The following CSMD1 variants were observed in gnomAD, a reference collection of about 807,000 sequenced individuals.
The protein encoded by CSMD1 is CUB and sushi domain-containing protein 1.
CSMD1 carries 213 observed loss-of-function variants against 417.5 expected under a neutral mutation model. That is an observed-to-expected ratio of 0.51 (90% CI 0.46 to 0.57). The LOEUF (loss-of-function observed/expected upper bound fraction) is 0.57. Among genes scored for constraint, CSMD1 ranks in the 20% least tolerant of loss-of-function variants. CSMD1 has a pLI of 0.00. For synonymous variants in CSMD1, 2,862 were observed against 1,736.8 expected (o/e 1.65, Z -16.11); for missense variants, 6,923 against 4,529.7 (o/e 1.53, Z -15.17).
intron 1 of CSMD1, among the ~76,000 whole-genome samples, chr8:4,795,101 G>T (rs1797903047): frequency 6.6e-6 from 1 of 151,840 alleles, no homozygotes; most frequent in African/African-American, 2.4e-5. Context: ...GAATCAGGTG[G>T]AATAGATACA....
chr8:4,656,680 A>G (rs546072500), intron 1 of CSMD1, among the ~76,000 whole-genome samples: 20 of 152,240 alleles, frequency 1.3e-4, no homozygotes, highest in African/African-American at 4.8e-4. Context: ...ACCGAATACA[A>G]CTGCCCAGTT....
chr8:3,755,692 G>A (rs1238467051), intron 5 of CSMD1, among the ~76,000 whole-genome samples: 1 of 152,138 alleles, frequency 6.6e-6, no homozygotes, highest in East Asian at 1.9e-4. Context: ...GCTTTCTGAT[G>A]TCAGGGGGCT....
intron 5 of CSMD1, among the ~76,000 whole-genome samples, chr8:3,855,830 C>T (rs140877609): frequency 6.6e-6 from 1 of 152,076 alleles, no homozygotes; most frequent in Admixed American, 6.6e-5. Context: ...ACGTAAACAT[C>T]TTTGATTTAG....
intron 33 of CSMD1, among the ~76,000 whole-genome samples, chr8:3,190,574 T>G (rs999738646): frequency 6.6e-6 from 1 of 152,176 alleles, no homozygotes. Context: ...TGTTATAATA[T>G]GGCCATCGTG....
chr8:4,636,181 G>C (rs1011532543), intron 2 of CSMD1, among the ~76,000 whole-genome samples: 1 of 152,004 alleles, frequency 6.6e-6, no homozygotes. Context: ...ATTAACATCA[G>C]TAATCTATAT....
rs146478745 is a variant in CSMD1 at position 3,329,844 on chromosome 8, G to A, written c.3631+13450C>T. 9.8e-5 allele frequency among the ~76,000 whole-genome samples: 15 copies of A among 152,304 alleles called. No homozygotes were observed. In the East Asian group the frequency reaches 2.3e-3, roughly 24 times the overall value. ...GGCTAACTTACTTGCTAGGGGCACAGGGCACAGTGCCTATGGCCCACAGTC... is the reference window on the plus strand; with the variant it reads ...GGCTAACTTACTTGCTAGGGGCACAAGGCACAGTGCCTATGGCCCACAGTC... On this transcript the variant is annotated intron_variant, in intron 23 of 69. Transcript: ENST00000635120.
At chr8:4,678,084 A>T (rs1585437103) in intron 1 of CSMD1, among the ~76,000 whole-genome samples, 1 of 152,012 alleles carries the variant, frequency 6.6e-6, no homozygotes, top group Non-Finnish European at 1.5e-5. Flanking sequence ...AATTAAAGGA[A>T]CTCTCTTATC....
intron 11 of CSMD1, among the ~76,000 whole-genome samples, chr8:3,476,673 T>G (rs1817444376): frequency 6.6e-6 from 1 of 152,048 alleles, no homozygotes; most frequent in African/African-American, 2.4e-5. Flanking sequence ...TGCCAGCACT[T>G]TTTTGAGGCC....
intron 1 of CSMD1, among the ~76,000 whole-genome samples, chr8:4,939,420 C>G (rs77882620): frequency 0.017 from 2,621 of 152,094 alleles, 120 homozygotes; most frequent in East Asian, 0.15. Flanking sequence ...ACAGGTGAAT[C>G]GATAAAGAAA....
chr8:4,251,908 G>A (rs974495873), intron 3 of CSMD1, among the ~76,000 whole-genome samples: 2 of 150,604 alleles, frequency 1.3e-5, no homozygotes, highest in Admixed American at 1.3e-4. Flanking sequence ...GGGAGGGGAG[G>A]ATAATGTGGG....
intron 17 of CSMD1, among the ~76,000 whole-genome samples, chr8:3,395,984 T>C (rs554218134): frequency 1.6e-4 from 25 of 152,306 alleles, no homozygotes; most frequent in African/African-American, 5.5e-4. Context: ...ACGCGATGGA[T>C]ACGTATTTTT....
chr8:3,750,045 T>C (rs1003866954), intron 6 of CSMD1, among the ~76,000 whole-genome samples: 1 of 152,172 alleles, frequency 6.6e-6, no homozygotes, highest in African/African-American at 2.4e-5. Flanking sequence ...TATTGAGTTC[T>C]TTATGTTTTA....
intron 2 of CSMD1, among the ~76,000 whole-genome samples, chr8:4,480,753 C>T (rs1032240666): frequency 6.6e-6 from 1 of 152,180 alleles, no homozygotes; most frequent in Non-Finnish European, 1.5e-5. Flanking sequence ...TCAAAATATA[C>T]TGCATTATAT....
At chr8:4,173,245 G>T (rs565431127) in intron 3 of CSMD1, among the ~76,000 whole-genome samples, 5 of 152,116 alleles carry the variant, frequency 3.3e-5, no homozygotes, top group African/African-American at 4.8e-5. Flanking sequence ...CTTGTCTCAC[G>T]CAACATTTGG....
intron 12 of CSMD1, among the ~76,000 whole-genome samples, chr8:3,460,237 G>A (rs187945171): frequency 6.6e-6 from 1 of 152,172 alleles, no homozygotes; most frequent in Non-Finnish European, 1.5e-5. Context: ...GATCTACATG[G>A]TGAGTCCATA....
chr8:3,701,976 C>CT lies in CSMD1; in HGVS notation c.1009+6437dup, dbSNP rs1166533100. Among the ~76,000 whole-genome samples, 323 of 149,548 alleles carry CT rather than the reference C, an allele frequency of 2.2e-3. 1 individual carries two copies. The highest frequency in any genetic ancestry group is 3.8e-3 in the South Asian group (18 of 4,686). On this transcript the variant is annotated intron_variant, in intron 7 of 69. Transcript: ENST00000635120. ...TATCATTCTGTTTTGCTTCAGGTCT[C>CT]TTTTTTTTTTCTTTTCAGGGTAAGA... is the stretch of plus-strand genomic sequence containing the variant.
At chr8:3,285,025 G>A (rs1281502241) in intron 25 of CSMD1, among the ~76,000 whole-genome samples, 1 of 152,132 alleles carries the variant, frequency 6.6e-6, no homozygotes, top group Non-Finnish European at 1.5e-5. Flanking sequence ...ACATTCAGAG[G>A]CAGCAGGATC....
At chr8:4,312,493 CTA>C (rs375253396) in intron 3 of CSMD1, among the ~76,000 whole-genome samples, 51 of 142,954 alleles carry the variant, frequency 3.6e-4, no homozygotes, top group East Asian at 2.3e-3. Context: ...ATATAGAACT[CTA>C]TGTTTCCAGT....
In CSMD1 at chr8:4,994,548, A is replaced by G. The variant is rs1811656630; in HGVS notation, c.-132T>C. ...AGCCCGGTCCCAAGACCCGCCGCGC[A>G]TCCGACGCCTCCTGAAGGTCTGGGC... On this transcript the variant is annotated 5_prime_UTR_variant, in exon 1 of 70. An upstream start codon of the reference 5' UTR is lost. Transcript: ENST00000635120. The G allele has an allele frequency of 1.3e-6, 1 of 778,264 alleles. No individual in the cohort carries two copies. The highest frequency in any genetic ancestry group is 1.7e-5 in the African/African-American group (1 of 58,232). The allele number at this position is 778,264 out of a possible 1,614,324, so 48.2% of individuals were successfully genotyped here.
Sources: allele counts gnomAD v4.1 joint callset (sites outside exome capture counted in the v4.1 genomes callset), GRCh38; gene constraint gnomAD v4.1.1; transcripts MANE v1.5; gene names NCBI Gene and HGNC (gene_info 2026-07-23, HGNC 2026-07-21).